STRN: variants seen among roughly 807,000 people sequenced by gnomAD.
STRN encodes the protein striatin, also known as protein phosphatase 2 regulatory subunit B'''alpha.
STRN carries 53 observed loss-of-function variants against 96.3 expected under a neutral mutation model. That is an observed-to-expected ratio of 0.55 (90% CI 0.44 to 0.69). The LOEUF is 0.69. Among genes scored for constraint, STRN ranks in the 30% least tolerant of loss-of-function variants. The pLI, the probability that STRN is intolerant of heterozygous loss-of-function variation, is 0.00. For synonymous variants in STRN, 428 were observed against 355.9 expected (o/e 1.20, Z -2.28); for missense variants, 987 against 963.9 (o/e 1.02, Z -0.32).
At chr2:36,920,619 C>T (rs1207892273) in intron 2 of STRN, among the ~76,000 whole-genome samples, 4 of 110,834 alleles carry the variant, frequency 3.6e-5, no homozygotes, top group Non-Finnish European at 7.3e-5. Context: ...GCCTGGGCAA[C>T]AAGAGCAAAA....
At chr2:36,962,590 G>C (rs550048755) in intron 1 of STRN, among the ~76,000 whole-genome samples, 3 of 150,916 alleles carry the variant, frequency 2.0e-5, no homozygotes, top group African/African-American at 7.3e-5. Flanking sequence ...GCAGTGGCAC[G>C]ATCTCAGCTC....
chr2:36,906,330 G>A (rs934420246), intron 3 of STRN, among the ~76,000 whole-genome samples: 1 of 151,894 alleles, frequency 6.6e-6, no homozygotes, highest in African/African-American at 2.4e-5. Flanking sequence ...ATAGTGGCAC[G>A]CAGCTGTGGT....
chr2:36,888,602 T>C (rs2148181221), intron 7 of STRN, among the ~76,000 whole-genome samples: 1 of 152,028 alleles, frequency 6.6e-6, no homozygotes, highest in South Asian at 2.1e-4. Flanking sequence ...CAATGGGGCT[T>C]ATCATGGCCA....
At chr2:36,949,683 G>C (rs781008489) in intron 1 of STRN, among the ~76,000 whole-genome samples, 3 of 152,200 alleles carry the variant, frequency 2.0e-5, no homozygotes, top group Non-Finnish European at 4.4e-5. Flanking sequence ...GCTGAGGCTA[G>C]GTTTCTAGAA....
chr2:36,885,242 T>C (rs1334341507), intron 8 of STRN, among the ~76,000 whole-genome samples: 1 of 152,178 alleles, frequency 6.6e-6, no homozygotes, highest in Admixed American at 6.5e-5. Flanking sequence ...GGATTGTGCC[T>C]AAGTCCTGGT....
In STRN at chr2:36,838,800, A is replaced by T. The variant is rs895850372; in HGVS notation, c.*10656T>A. Among the ~76,000 whole-genome samples, 2 of 152,232 alleles carry T rather than the reference A, an allele frequency of 1.3e-5. No individual in the cohort carries two copies. Among genetic ancestry groups the T allele is most frequent in the Admixed American group, 1.3e-4 (2 of 15,280 alleles). ...TTTATTGTAATAATAAAAAGGAAAT[A>T]AGAGCTATGATAGACTTAGAGAAAT... On this transcript the variant is annotated 3_prime_UTR_variant, in exon 18 of 18. Coordinates refer to ENST00000263918, the MANE Select transcript of STRN (RefSeq NM_003162.4).
At chr2:36,949,843 A>T (rs1032764256) in intron 1 of STRN, among the ~76,000 whole-genome samples, 1 of 152,238 alleles carries the variant, frequency 6.6e-6, no homozygotes, top group Non-Finnish European at 1.5e-5. Flanking sequence ...ACTGCAAAAA[A>T]GTATCAAGAC....
intron 1 of STRN, among the ~76,000 whole-genome samples, chr2:36,945,766 ATTAG>A (rs1363107293): frequency 6.6e-6 from 1 of 152,232 alleles, no homozygotes; most frequent in Non-Finnish European, 1.5e-5. Context: ...ACTTGATTTC[ATTAG>A]TTAGTTAAAT....
intron 1 of STRN, among the ~76,000 whole-genome samples, chr2:36,964,193 A>AGGGGC (rs1665099692): frequency 7.8e-6 from 1 of 127,602 alleles, no homozygotes; most frequent in African/African-American, 3.4e-5. Context: ...GGCGGGGGGA[A>AGGGGC]GGATGGGTTG....
rs1302130248 is a variant in STRN, at chr2:36,915,399, T to A, written c.412+679A>T. Among the ~76,000 whole-genome samples the A allele has an allele frequency of 4.6e-5, 7 of 151,334 alleles. No individual in the cohort carries two copies. In the East Asian group the frequency reaches 1.4e-3, roughly 29 times the overall value. On this transcript the variant is annotated intron_variant, in intron 3 of 17. Coordinates refer to ENST00000263918, the MANE Select transcript of STRN (RefSeq NM_003162.4). ...ACGTACCTATCTGAAACATGGTTGA[T>A]AACTTTTGATTAATTTTTGTCATTC...
At chr2:36,965,976 G>A (rs968239821) in intron 1 of STRN, among the ~76,000 whole-genome samples, 1 of 152,146 alleles carries the variant, frequency 6.6e-6, no homozygotes, top group Non-Finnish European at 1.5e-5. Context: ...TGGGAGTTAA[G>A]AGTGGGATGG....
intron 6 of STRN, among the ~76,000 whole-genome samples, chr2:36,897,714 G>A (rs551326293): frequency 6.6e-6 from 1 of 152,104 alleles, no homozygotes; most frequent in East Asian, 1.9e-4. Context: ...TGGGATTACA[G>A]GTGTGAGCCA....
intron 5 of STRN, among the ~76,000 whole-genome samples, chr2:36,901,283 G>A (rs940850735): frequency 6.6e-6 from 1 of 152,000 alleles, no homozygotes; most frequent in Non-Finnish European, 1.5e-5. Flanking sequence ...CCAGGCGTGG[G>A]GGCTCATGCC....
intron 2 of STRN, among the ~76,000 whole-genome samples, chr2:36,923,338 C>T (rs1385645693): frequency 6.7e-6 from 1 of 150,144 alleles, no homozygotes; most frequent in African/African-American, 2.5e-5. Context: ...GTAGTCCCAG[C>T]AACTCGGGAG....
At chr2:36,853,686 T>C in intron 15 of STRN, among the ~76,000 whole-genome samples, 1 of 152,212 alleles carries the variant, frequency 6.6e-6, no homozygotes, top group South Asian at 2.1e-4. Flanking sequence ...TTCATCACTT[T>C]AAACTCTATA....
chr2:36,919,254 A>G (rs1670185904), intron 2 of STRN, among the ~76,000 whole-genome samples: 1 of 152,260 alleles, frequency 6.6e-6, no homozygotes, highest in African/African-American at 2.4e-5. Context: ...AATGTAAATA[A>G]CTACAGCATA....
rs555481424 is a variant in STRN, at chr2:36,883,379, C to A, written c.1186+553G>T. On this transcript the variant is annotated intron_variant, in intron 9 of 17. Coordinates refer to ENST00000263918, the MANE Select transcript of STRN (RefSeq NM_003162.4). ...GGCTAAGGCAAGAGAATCACTTGAACCTGGGAGGTGGAGGTTGTAGCGAGC... is the reference window on the plus strand; with the variant it reads ...GGCTAAGGCAAGAGAATCACTTGAAACTGGGAGGTGGAGGTTGTAGCGAGC... Among the ~76,000 whole-genome samples, 161 of 152,210 alleles carry A rather than the reference C, an allele frequency of 1.1e-3. 5 individuals carry two copies. In the South Asian group the frequency reaches 0.033, roughly 31 times the overall value.
chr2:36,904,671 C>CA (rs1319801800), intron 4 of STRN, among the ~76,000 whole-genome samples: 1 of 151,884 alleles, frequency 6.6e-6, no homozygotes, highest in Non-Finnish European at 1.5e-5. Context: ...TACAAAAATA[C>CA]AAAAAAATGA....
intron 1 of STRN, among the ~76,000 whole-genome samples, chr2:36,930,559 A>T (rs1199384646): frequency 6.6e-6 from 1 of 152,118 alleles, no homozygotes; most frequent in Non-Finnish European, 1.5e-5. Flanking sequence ...GTAGGTCTGG[A>T]GTGGGGCCCA....
Sources: allele counts gnomAD v4.1 joint callset (sites outside exome capture counted in the v4.1 genomes callset), GRCh38; gene constraint gnomAD v4.1.1; transcripts MANE v1.5; gene names NCBI Gene and HGNC (gene_info 2026-07-23, HGNC 2026-07-21).